Variants in OLA1 observed in about 807,000 individuals in gnomAD.
OLA1 encodes the protein Obg like ATPase 1.
A neutral mutation model predicts 48.4 loss-of-function variants in OLA1; 14 were observed. That is an observed-to-expected ratio of 0.29 (90% confidence interval 0.19 to 0.45). OLA1 has a LOEUF of 0.45. Ranked by LOEUF, OLA1 falls within the 20% of genes least tolerant of loss-of-function variation. The probability of loss-of-function intolerance (pLI) is 1.00; values close to 1 mark genes in which losing one functional copy is unlikely to be tolerated. For missense variants in OLA1, 325 were observed against 467.1 expected, an observed-to-expected ratio of 0.70 and a Z score of 2.80; for synonymous variants, 127 against 150.4, an observed-to-expected ratio of 0.84 and a Z score of 1.14.
intron 4 of OLA1, among the ~76,000 whole-genome samples, chr2:174,163,291 A>C (rs1270806698): frequency 6.6e-6 from 1 of 152,226 alleles, no homozygotes; most frequent in Non-Finnish European, 1.5e-5. Context: ...ATGGTAGTGA[A>C]AATAGAATAA....
chr2:174,168,256 T>C lies in OLA1; in HGVS notation c.374-26256A>G, dbSNP rs78117633. On this transcript the variant is annotated intron_variant, in intron 4 of 10. Coordinates refer to ENST00000284719, the MANE Select transcript of OLA1 (RefSeq NM_013341.5). ...ATAGAAGAAATCCCCACCTCTTTGA[T>C]TGATACCAGAACCATGCATAGGGAG... Among the ~76,000 whole-genome samples, 1,196 of 152,182 alleles carry C rather than the reference T, an allele frequency of 7.9e-3. 18 individuals are homozygous for C. Among genetic ancestry groups the C allele is most frequent in the African/African-American group, 0.027 (1,123 of 41,504 alleles).
intron 7 of OLA1, among the ~76,000 whole-genome samples, chr2:174,115,686 T>G (rs1685764909): frequency 6.6e-6 from 1 of 152,218 alleles, no homozygotes; most frequent in Non-Finnish European, 1.5e-5. Flanking sequence ...TCTGTTTTAT[T>G]CCATCTAGCT....
intron 5 of OLA1, among the ~76,000 whole-genome samples, chr2:174,127,398 A>G (rs1686069173): frequency 6.6e-6 from 1 of 152,244 alleles, no homozygotes; most frequent in African/African-American, 2.4e-5. Context: ...TTATTTGGGT[A>G]CAATAGCTGA....
chr2:174,127,691 T>C (rs888234028), intron 5 of OLA1, among the ~76,000 whole-genome samples: 2 of 152,104 alleles, frequency 1.3e-5, no homozygotes, highest in African/African-American at 4.8e-5. Flanking sequence ...CCAAGAACCA[T>C]GGCTATTAGT....
chr2:174,179,508 C>G (rs563786268), intron 4 of OLA1, among the ~76,000 whole-genome samples: 1 of 151,820 alleles, frequency 6.6e-6, no homozygotes, highest in African/African-American at 2.4e-5. Context: ...TCAACAGTTA[C>G]GGAACCTGTA....
chr2:174,093,183 T>C (rs1190623418), intron 7 of OLA1, among the ~76,000 whole-genome samples: 1 of 152,224 alleles, frequency 6.6e-6, no homozygotes, highest in Non-Finnish European at 1.5e-5. Flanking sequence ...GTGCAATGGC[T>C]CACGCCTGTA....
chr2:174,198,452 T>C lies in OLA1; in HGVS notation c.373+24581A>G, dbSNP rs148879080. ...ACTTAAAGCAGGGGTTCTTAAAGTA[T>C]GGTCCATAAACCCCTGGGAGTCTTC... On this transcript the variant is annotated intron_variant, in intron 4 of 10. Transcript: ENST00000284719. 4.6e-3 allele frequency among the ~76,000 whole-genome samples: 703 copies of C among 152,282 alleles called. 3 individuals carry two copies. The highest frequency in any genetic ancestry group is 0.02 in the Middle Eastern group (6 of 294).
intron 4 of OLA1, among the ~76,000 whole-genome samples, chr2:174,199,465 C>T (rs1687945950): frequency 6.6e-6 from 1 of 152,088 alleles, no homozygotes; most frequent in Non-Finnish European, 1.5e-5. Context: ...TGGGAGGTGG[C>T]AGGATTCAGA....
intron 4 of OLA1, among the ~76,000 whole-genome samples, chr2:174,191,401 A>G (rs934132673): frequency 6.6e-5 from 10 of 151,966 alleles, no homozygotes; most frequent in Admixed American, 5.9e-4. Context: ...ATCTTTACCC[A>G]CATTCACCCA....
intron 7 of OLA1, among the ~76,000 whole-genome samples, chr2:174,113,825 A>AT (rs929466324): frequency 1.3e-5 from 2 of 152,080 alleles, no homozygotes; most frequent in Non-Finnish European, 2.9e-5. Context: ...AAATGGATCT[A>AT]TTTCTACCAC....
chr2:174,233,892 T>C (rs1204896784), intron 2 of OLA1, among the ~76,000 whole-genome samples: 2 of 152,140 alleles, frequency 1.3e-5, no homozygotes, highest in African/African-American at 4.8e-5. Flanking sequence ...AGGACATTAG[T>C]GGGAAAACTG....
At chr2:174,146,155 G>C (rs1051017907) in intron 4 of OLA1, among the ~76,000 whole-genome samples, 1 of 101,512 alleles carries the variant, frequency 9.9e-6, no homozygotes, top group Non-Finnish European at 2.0e-5. Flanking sequence ...GGGGATGGAA[G>C]ATAAAGAGTT....
intron 2 of OLA1, among the ~76,000 whole-genome samples, chr2:174,239,411 C>T (rs956122376): frequency 2.0e-5 from 3 of 152,064 alleles, no homozygotes; most frequent in African/African-American, 7.2e-5. Context: ...AAGCATATGT[C>T]ACTTATGTGC....
At chr2:174,194,203 T>C (rs1362319731) in intron 4 of OLA1, among the ~76,000 whole-genome samples, 1 of 152,222 alleles carries the variant, frequency 6.6e-6, no homozygotes, top group East Asian at 1.9e-4. Flanking sequence ...TTTTGGGGAC[T>C]CTTTCCCATT....
chr2:174,095,965 TA>T (rs925303275), intron 7 of OLA1, among the ~76,000 whole-genome samples: 2 of 152,030 alleles, frequency 1.3e-5, no homozygotes, highest in African/African-American at 4.8e-5. Context: ...ATAAACATAA[TA>T]AAAAGATGTT....
chr2:174,176,955 C>T (rs1327666290), intron 4 of OLA1, among the ~76,000 whole-genome samples: 3 of 152,122 alleles, frequency 2.0e-5, no homozygotes, highest in Admixed American at 1.3e-4. Context: ...GAGAAGCCAT[C>T]TTATGCACAT....
intron 4 of OLA1, among the ~76,000 whole-genome samples, chr2:174,164,109 G>A (rs1017302242): frequency 5.3e-5 from 8 of 151,746 alleles, no homozygotes; most frequent in Admixed American, 2.0e-4. Flanking sequence ...GTCTCCTGCC[G>A]CCCTGTGAAG....
intron 4 of OLA1, among the ~76,000 whole-genome samples, chr2:174,148,349 A>G (rs1686662063): frequency 1.3e-5 from 2 of 152,194 alleles, no homozygotes; most frequent in Non-Finnish European, 2.9e-5. Context: ...AGACGGTGCC[A>G]CTGTACTCCA....
In OLA1 at chr2:174,073,642, T is replaced by C. The variant is rs1414512125; in HGVS notation, c.*1784A>G. 6.6e-6 allele frequency: 1 copy of C among 152,224 alleles called. No individual in the cohort carries two copies. The highest frequency in any genetic ancestry group is 2.4e-5 in the African/African-American group (1 of 41,464). 9.4% of individuals were successfully genotyped at this position (152,224 alleles called of 1,614,324 possible). A position where few individuals can be genotyped will look rare whatever the true frequency, so the allele number is the denominator to read the frequency against. ...ATGTGCAATTTACCACATTAGAAGC[T>C]AGACAAAGTAAAATTGCATGATCCT... is the stretch of plus-strand genomic sequence containing the variant. On this transcript the variant is annotated 3_prime_UTR_variant, in exon 11 of 11. Coordinates refer to ENST00000284719, the MANE Select transcript of OLA1 (RefSeq NM_013341.5).
Sources: allele counts gnomAD v4.1 joint callset (sites outside exome capture counted in the v4.1 genomes callset), GRCh38; gene constraint gnomAD v4.1.1; transcripts MANE v1.5; gene names NCBI Gene and HGNC (gene_info 2026-07-23, HGNC 2026-07-21).